The following CAMK1D variants were observed in gnomAD, a reference collection of about 807,000 sequenced individuals.
The protein encoded by CAMK1D is calcium/calmodulin dependent protein kinase ID, also known as calcium/calmodulin-dependent protein kinase type 1D.
Under a neutral mutation model 47.7 loss-of-function variants are expected in CAMK1D, and 9 were observed. The observed-to-expected ratio is 0.19, with a 90% CI of 0.11 to 0.33. The LOEUF is 0.33. Ranked by LOEUF, CAMK1D falls within the 10% of genes least tolerant of loss-of-function variation. The probability of loss-of-function intolerance (pLI) is 1.00; values close to 1 mark genes in which losing one functional copy is unlikely to be tolerated. For missense variants in CAMK1D, 291 were observed against 488.7 expected, an observed-to-expected ratio of 0.60 and a Z score of 3.81; for synonymous variants, 184 against 184.9, an observed-to-expected ratio of 0.99 and a Z score of 0.04.
intron 2 of CAMK1D, among the ~76,000 whole-genome samples, chr10:12,640,541 A>G (rs969587810): frequency 6.6e-6 from 1 of 152,194 alleles, no homozygotes; most frequent in Non-Finnish European, 1.5e-5. Context: ...AATAACAGCT[A>G]TGAAATTTCA....
At chr10:12,730,018 G>C (rs1834820969) in intron 3 of CAMK1D, among the ~76,000 whole-genome samples, 1 of 152,232 alleles carries the variant, frequency 6.6e-6, no homozygotes, top group Admixed American at 6.5e-5. Context: ...GATTTGGACA[G>C]AGGCGAATTG....
intron 3 of CAMK1D, among the ~76,000 whole-genome samples, chr10:12,747,548 G>A (rs1835743365): frequency 1.3e-5 from 2 of 151,834 alleles, no homozygotes; most frequent in Non-Finnish European, 2.9e-5. Flanking sequence ...GGCTGGTCTT[G>A]AACTCCTGGC....
intron 3 of CAMK1D, among the ~76,000 whole-genome samples, chr10:12,685,404 G>C (rs1168102511): frequency 2.6e-5 from 4 of 152,190 alleles, no homozygotes; most frequent in Non-Finnish European, 1.5e-5. Context: ...GGAAACACCA[G>C]ATATATCTGA....
At chr10:12,669,704 A>ACCC (rs1840549523) in intron 3 of CAMK1D, among the ~76,000 whole-genome samples, 1 of 152,032 alleles carries the variant, frequency 6.6e-6, no homozygotes, top group Non-Finnish European at 1.5e-5. Context: ...CTCATTCATG[A>ACCC]CCCTAGTCAA....
At chr10:12,761,637 C>T (rs1836512423) in intron 4 of CAMK1D, among the ~76,000 whole-genome samples, 1 of 152,044 alleles carries the variant, frequency 6.6e-6, no homozygotes, top group Non-Finnish European at 1.5e-5. Context: ...GCCTGTAATC[C>T]CAGCACTTTG....
intron 2 of CAMK1D, among the ~76,000 whole-genome samples, chr10:12,597,310 A>G (rs1236228861): frequency 6.6e-6 from 1 of 152,196 alleles, no homozygotes; most frequent in African/African-American, 2.4e-5. Flanking sequence ...GAACTCAGCT[A>G]TAATGTTTGT....
At chr10:12,455,721 C>A (rs966170836) in intron 1 of CAMK1D, among the ~76,000 whole-genome samples, 2 of 152,096 alleles carry the variant, frequency 1.3e-5, no homozygotes, top group African/African-American at 4.8e-5. Context: ...CATTCTTGTC[C>A]ATGTCTTTGG....
At chr10:12,589,745 C>T (rs536489120) in intron 2 of CAMK1D, among the ~76,000 whole-genome samples, 2 of 152,276 alleles carry the variant, frequency 1.3e-5, no homozygotes, top group Admixed American at 1.3e-4. Context: ...TTTACTACTT[C>T]CTAGGAACAC....
intron 5 of CAMK1D, among the ~76,000 whole-genome samples, chr10:12,788,775 T>G (rs1250230302): frequency 6.6e-6 from 1 of 152,246 alleles, no homozygotes; most frequent in Non-Finnish European, 1.5e-5. Flanking sequence ...ACGAGTCAGC[T>G]ATCGCCCGGC....
At chr10:12,449,747 A>G (rs764909064) in intron 1 of CAMK1D, among the ~76,000 whole-genome samples, 28 of 152,308 alleles carry the variant, frequency 1.8e-4, no homozygotes, top group Non-Finnish European at 2.8e-4. Flanking sequence ...GCCCACGCCT[A>G]TAATCATTTG....
chr10:12,664,517 G>A (rs939853436), intron 2 of CAMK1D, among the ~76,000 whole-genome samples: 5 of 152,210 alleles, frequency 3.3e-5, no homozygotes, highest in African/African-American at 9.6e-5. Flanking sequence ...AGCTAGGCAA[G>A]TGCTTTGTGT....
At chr10:12,534,825 C>G (rs147136137) in intron 1 of CAMK1D, among the ~76,000 whole-genome samples, 2 of 152,206 alleles carry the variant, frequency 1.3e-5, no homozygotes, top group East Asian at 3.9e-4. Flanking sequence ...CCTTGGAGTC[C>G]TCTGCATTTA....
intron 3 of CAMK1D, among the ~76,000 whole-genome samples, chr10:12,694,450 AT>A: frequency 3.5e-5 from 4 of 112,778 alleles, no homozygotes; most frequent in Admixed American, 1.2e-4. Flanking sequence ...AAAATATGAA[AT>A]ATATATGTTA....
Position 12,832,828 on chromosome 10 carries a change from C to A in CAMK1D, c.*3941C>A, listed in dbSNP as rs1833441195. On this transcript the variant is annotated 3_prime_UTR_variant, in exon 11 of 11. Transcript: ENST00000619168. ...CGAGCAAAAGAAGATGGACAGTGGA[C>A]AGGGCGCAGTGGCTCACGCCTGTAA... is the stretch of plus-strand genomic sequence containing the variant. The A allele has an allele frequency of 6.6e-6, 1 of 152,600 alleles. No homozygotes were observed. 9.5% of individuals were successfully genotyped at this position (152,600 alleles called of 1,614,324 possible).
chr10:12,472,828 A>G (rs1156370070), intron 1 of CAMK1D, among the ~76,000 whole-genome samples: 1 of 151,906 alleles, frequency 6.6e-6, no homozygotes, highest in Non-Finnish European at 1.5e-5. Context: ...GGCCTCATTC[A>G]CTCGGCTGTT....
chr10:12,492,962 C>T (rs1834430757), intron 1 of CAMK1D, among the ~76,000 whole-genome samples: 1 of 152,222 alleles, frequency 6.6e-6, no homozygotes, highest in Admixed American at 6.5e-5. Flanking sequence ...GGATGCCCGG[C>T]TTCCCTGGCT....
intron 2 of CAMK1D, among the ~76,000 whole-genome samples, chr10:12,643,415 C>G (rs368758364): frequency 6.6e-6 from 1 of 152,272 alleles, no homozygotes; most frequent in East Asian, 1.9e-4. Flanking sequence ...CAGCAGGAGA[C>G]GAGCGGCAGG....
At chr10:12,363,625 CTA>C (rs888740947) in intron 1 of CAMK1D, among the ~76,000 whole-genome samples, 1 of 146,866 alleles carries the variant, frequency 6.8e-6, no homozygotes, top group Non-Finnish European at 1.5e-5. Flanking sequence ...ACAAAAAAGG[CTA>C]TATATGTTCA....
chr10:12,405,472 C>T (rs1365258309), intron 1 of CAMK1D, among the ~76,000 whole-genome samples: 6 of 152,136 alleles, frequency 3.9e-5, no homozygotes, highest in South Asian at 2.1e-4. Context: ...GAGAAAACTC[C>T]GCTGTTTGCT....
Sources: allele counts gnomAD v4.1 joint callset (sites outside exome capture counted in the v4.1 genomes callset), GRCh38; gene constraint gnomAD v4.1.1; transcripts MANE v1.5; gene names NCBI Gene and HGNC (gene_info 2026-07-23, HGNC 2026-07-21).